Variants in KRT40 observed in about 807,000 individuals in gnomAD.
KRT40 encodes keratin 40.
In KRT40, 47 loss-of-function variants were observed where a neutral mutation model predicts 43.5. That is an observed-to-expected ratio of 1.08 (90% CI 0.86 to 1.38). The LOEUF (loss-of-function observed/expected upper bound fraction) is 1.38, where lower values mean the gene tolerates loss of function less well. KRT40 is among the 40% of genes most tolerant of loss of function. The pLI, the probability that KRT40 is intolerant of heterozygous loss-of-function variation, is 0.00. For synonymous variants in KRT40, 212 were observed against 214.0 expected (o/e 0.99, Z 0.08); for missense variants, 573 against 523.6 (o/e 1.09, Z -0.92).
At position 40,984,063 on chromosome 17, in the gene KRT40, GACTATT is replaced by G; in HGVS notation, c.205_210del (p.Asn69_Ser70del). 1 of 1,614,052 alleles carries G rather than the reference GACTATT, an allele frequency of 6.2e-7. No individual in the cohort carries two copies. The highest frequency in any genetic ancestry group is 8.5e-7 in the Non-Finnish European group (1 of 1,180,014). On this transcript the variant is annotated inframe_deletion, in exon 1 of 7. Transcript: ENST00000377755. The stretch of plus-strand genomic sequence containing the variant: ...CAGGCACAGTTCCCCACCAAGCAGG[GACTATT>G]ACAACTCCCAGTAAAGTAGCATGGC...
chr17:40,987,103 C>T (rs1488160492), upstream of KRT40: 3 of 152,360 alleles, frequency 2.0e-5, no homozygotes, highest in Middle Eastern at 3.4e-3. Context: ...TGTGGCTCCT[C>T]CCAGAGCACT....
At position 40,982,401 on chromosome 17, in the gene KRT40, A is replaced by G; in HGVS notation, c.593T>C (p.Ile198Thr). The G allele has an allele frequency of 6.2e-7, 1 of 1,611,526 alleles. No homozygotes were observed. Among genetic ancestry groups the G allele is most frequent in the East Asian group, 2.2e-5 (1 of 44,600 alleles). ...LEADISSLHGILEELTLCKSD... is the reference protein window; with the variant it reads ...LEADISSLHGTLEELTLCKSD... ...TTTGCACAGGGTCAGTTCCTCCAGG[A>G]TCCCATGCAGGCTGCTGATGTCAGC... The change falls in exon 3 of 7, where the codon ATC becomes ACC. Residue 198 changes from isoleucine to threonine, a missense_variant. By Grantham distance (89) the Ile-to-Thr change is moderately conservative. Coordinates refer to ENST00000377755, the MANE Select transcript of KRT40 (RefSeq NM_001389244.1).
intron 3 of KRT40, 119 bp from the exon 4 acceptor site, chr17:40,981,270 A>G (rs972620917): frequency 1.9e-6 from 3 of 1,568,490 alleles, no homozygotes; most frequent in Non-Finnish European, 2.6e-6. Context: ...ATTTTGATTC[A>G]GATTGCCTGG....
At chr17:40,986,890 AT>A (rs1460085567), upstream of KRT40, 2 of 152,168 alleles carry the variant, frequency 1.3e-5, no homozygotes, top group African/African-American at 4.8e-5. Flanking sequence ...ACCTTGGCAA[AT>A]ATGACCTTCC....
chr17:40,983,194 C>A, intron 1 of KRT40, 66 bp from the exon 2 acceptor site: 1 of 682,300 alleles, frequency 1.5e-6, no homozygotes, highest in Non-Finnish European at 2.6e-6. Context: ...TTCTATCCAA[C>A]AGCTATGCCA....
Position 40,980,863 on chromosome 17 carries a change from C to T in KRT40, c.897G>A (p.Gln299=). Reference sequence around the variant, plus strand: ...GTTCCAAGATCTCCATCTGGCAGCCCTGCAGCTGCTCCGCGCTGGACAGTT... The same window carrying T: ...GTTCCAAGATCTCCATCTGGCAGCCTTGCAGCTGCTCCGCGCTGGACAGTT... ...QQQLSSAEQL[Q]GCQMEILELK... The change falls in exon 5 of 7, where the codon CAG becomes CAA. Residue 299 remains glutamine (Q), a synonymous_variant. Coordinates refer to ENST00000377755, the MANE Select transcript of KRT40 (RefSeq NM_001389244.1). 1 of 1,613,726 alleles carries T rather than the reference C, an allele frequency of 6.2e-7. No homozygotes were observed. The highest frequency in any genetic ancestry group is 8.5e-7 in the Non-Finnish European group (1 of 1,179,994).
At chr17:40,979,120 T>C (rs2143664041) in intron 5 of KRT40, 96 bp from the exon 6 acceptor site, 1 of 856,548 alleles carries the variant, frequency 1.2e-6, no homozygotes, top group South Asian at 1.6e-5. Context: ...TCTAGCTATG[T>C]GACCACTGGC....
rs766061957 is a variant in KRT40, at chr17:40,978,323, G to A, written c.1197-27C>T. The A allele has an allele frequency of 5.8e-6, 9 of 1,553,480 alleles. No individual in the cohort carries two copies. In the African/African-American group the frequency reaches 1.1e-4, roughly 19 times the overall value. On this transcript the variant is annotated intron_variant, in intron 6 of 6. Coordinates refer to ENST00000377755, the MANE Select transcript of KRT40 (RefSeq NM_001389244.1). The stretch of plus-strand genomic sequence containing the variant: ...TGGGGAAAAATCGATTTTCAACCAA[G>A]ATTAACAAGGGAATGTTGATAAAAT...
intron 6 of KRT40, 77 bp downstream of exon 6, chr17:40,978,727 A>T: frequency 2.2e-6 from 3 of 1,334,056 alleles, no homozygotes; most frequent in Non-Finnish European, 3.2e-6. Context: ...ACTTGTCCAG[A>T]CTTTGGGGAA....
chr17:40,980,319 G>T (rs1304847051), intron 5 of KRT40, among the ~76,000 whole-genome samples: 1 of 152,306 alleles, frequency 6.6e-6, no homozygotes, highest in Non-Finnish European at 1.5e-5. Flanking sequence ...GACCAGAACT[G>T]GTTCATGTCA....
At position 40,983,002 on chromosome 17, in the gene KRT40, C is replaced by T. The variant is rs545786682; in HGVS notation, c.530+44G>A. On this transcript the variant is annotated intron_variant, in intron 2 of 6. Transcript: ENST00000377755. Reference sequence around the variant, plus strand: ...TAGCCTGGGTGACAAGAGTGAAACTCCATCTCAAAATAAATAAATAAAATA... The same window carrying T: ...TAGCCTGGGTGACAAGAGTGAAACTTCATCTCAAAATAAATAAATAAAATA... The T allele has an allele frequency of 3.5e-5, 29 of 818,898 alleles. No homozygotes were observed. The South Asian group carries it at 3.8e-4, about 11-fold the overall frequency. 50.7% of individuals were successfully genotyped at this position (818,898 alleles called of 1,614,324 possible). A position where few individuals can be genotyped will look rare whatever the true frequency, so the allele number is the denominator to read the frequency against.
At chr17:40,979,992 A>C (rs1291171348) in intron 5 of KRT40, among the ~76,000 whole-genome samples, 1 of 152,220 alleles carries the variant, frequency 6.6e-6, no homozygotes, top group Non-Finnish European at 1.5e-5. Flanking sequence ...GCATGTAACA[A>C]AATATCACAT....
At chr17:40,982,758 C>T (rs918559785) in intron 2 of KRT40, among the ~76,000 whole-genome samples, 8 of 152,136 alleles carry the variant, frequency 5.3e-5, no homozygotes, top group Admixed American at 5.2e-4. Flanking sequence ...AATCCCAGCA[C>T]TTTGGGAGGC....
upstream of KRT40, among the ~76,000 whole-genome samples, chr17:40,985,305 T>A (rs953390828): frequency 2.0e-5 from 3 of 152,168 alleles, no homozygotes; most frequent in Non-Finnish European, 2.9e-5. Flanking sequence ...CTGGATGAAA[T>A]CTCTGGTGCC....
intron 6 of KRT40, 84 bp from the exon 7 acceptor site, chr17:40,978,380 C>T (rs1056723103): frequency 9.0e-7 from 1 of 1,110,478 alleles, no homozygotes; most frequent in Admixed American, 1.7e-5. Context: ...CAAAATTTGC[C>T]CTACAAATTA....
intron 3 of KRT40, chr17:40,981,411 A>T: frequency 1.5e-6 from 1 of 673,030 alleles, no homozygotes; most frequent in Non-Finnish European, 2.7e-6. Flanking sequence ...TTAACTTATA[A>T]AAGTTAATTA....
Position 40,978,188 on chromosome 17 carries a change from C to T in KRT40, c.*9G>A. The stretch of plus-strand genomic sequence containing the variant: ...TGGCTTTGATTCCTCTACCTGCTGT[C>T]CTTAACATTCACAAGCAGCAGTTTT... On this transcript the variant is annotated 3_prime_UTR_variant, in exon 7 of 7. Transcript: ENST00000377755. 6.3e-7 allele frequency: 1 copy of T among 1,599,958 alleles called. No individual in the cohort carries two copies. The highest frequency in any genetic ancestry group is 8.6e-7 in the Non-Finnish European group (1 of 1,167,622).
In KRT40 at chr17:40,979,701, C is replaced by T. The variant is rs146838499; in HGVS notation, c.976-677G>A. Among the ~76,000 whole-genome samples the T allele has an allele frequency of 9.1e-3, 1,380 of 152,120 alleles. 20 individuals carry two copies. The highest frequency in any genetic ancestry group is 0.032 in the African/African-American group (1,312 of 41,478). ...CTTGGCAGGGAGGGGTAGTATAGTG[C>T]TATTAAGAGAAGAGGCTCTGGATAC... On this transcript the variant is annotated intron_variant, in intron 5 of 6. Transcript: ENST00000377755.
intron 3 of KRT40, among the ~76,000 whole-genome samples, chr17:40,981,574 T>C (rs1056413886): frequency 6.6e-6 from 1 of 152,236 alleles, no homozygotes; most frequent in Non-Finnish European, 1.5e-5. Context: ...TAGAAGTTTA[T>C]AAATGCGGAA....
Sources: gnomAD v4.1 joint callset for allele counts (sites outside exome capture counted in the v4.1 genomes callset) on GRCh38, gnomAD v4.1.1 for gene constraint, MANE v1.5 for transcripts, NCBI Gene and HGNC (gene_info 2026-07-23, HGNC 2026-07-21) for gene names.